Variants in NEDD4L observed in about 807,000 individuals in gnomAD.
The protein encoded by NEDD4L is E3 ubiquitin-protein ligase NEDD4-like.
In NEDD4L, 54 loss-of-function variants were observed where a neutral mutation model predicts 148.9. That is an observed-to-expected ratio of 0.36 (90% CI 0.29 to 0.45). NEDD4L has a LOEUF of 0.45. Ranked by LOEUF, NEDD4L falls within the 20% of genes least tolerant of loss-of-function variation. NEDD4L has a pLI of 1.00. For synonymous variants in NEDD4L, 433 were observed against 440.7 expected (o/e 0.98, Z 0.22); for missense variants, 856 against 1,233.8 (o/e 0.69, Z 4.59).
intron 1 of NEDD4L, among the ~76,000 whole-genome samples, chr18:58,125,299 A>G (rs112423626): frequency 0.017 from 2,598 of 152,216 alleles, 28 homozygotes; most frequent in African/African-American, 0.025. Flanking sequence ...AAATCCAAGC[A>G]ATGTGTTTCT....
At chr18:58,367,422 G>A (rs2046261725) in intron 21 of NEDD4L, among the ~76,000 whole-genome samples, 1 of 152,134 alleles carries the variant, frequency 6.6e-6, no homozygotes, top group South Asian at 2.1e-4. Flanking sequence ...GGGAATCCCT[G>A]CACAGCCCCT....
chr18:58,369,693 A>G (rs905949081), intron 22 of NEDD4L, among the ~76,000 whole-genome samples: 1 of 152,140 alleles, frequency 6.6e-6, no homozygotes. Context: ...TGGTGGGGTC[A>G]GGACCCCCTG....
At chr18:58,285,381 T>G (rs894776798) in intron 5 of NEDD4L, among the ~76,000 whole-genome samples, 1 of 151,828 alleles carries the variant, frequency 6.6e-6, no homozygotes, top group Admixed American at 6.6e-5. Flanking sequence ...CAGGCTGGAG[T>G]GCAGTGGTGT....
chr18:58,186,375 TGA>T (rs2039485654), intron 2 of NEDD4L, among the ~76,000 whole-genome samples: 2 of 152,208 alleles, frequency 1.3e-5, no homozygotes, highest in Non-Finnish European at 2.9e-5. Context: ...TGGGCTGTGT[TGA>T]GTTACCCCTG....
rs34750525 is a variant in NEDD4L at position 58,256,960 on chromosome 18, T to C, written c.297+4906T>C. ...CCAGTGTTTGGTGCGCAAAACACCA[T>C]TTCTGCAAATGTCTTCTGTAGGTCC... On this transcript the variant is annotated intron_variant, in intron 5 of 30. Transcript: ENST00000400345. The surrounding 1 kb of genome is among the most constrained non-coding windows in gnomAD (Gnocchi z 5.2). Among the ~76,000 whole-genome samples, 492 of 152,342 alleles carry C rather than the reference T, an allele frequency of 3.2e-3. 11 individuals carry two copies. Among genetic ancestry groups the C allele is most frequent in the Non-Finnish European group, 3.8e-3 (261 of 68,032 alleles).
chr18:58,298,170 TAAATTTATGCTAGTTC>T (rs977465865), intron 5 of NEDD4L, among the ~76,000 whole-genome samples: 13 of 152,232 alleles, frequency 8.5e-5, no homozygotes, highest in Non-Finnish European at 1.8e-4. Context: ...TTGGGTAATT[TAAATTTATGCTAGTTC>T]ACTCTGTCTA....
rs60621784 is a variant in NEDD4L at position 58,058,132 on chromosome 18, C to G, written c.48+13424C>G. Among the ~76,000 whole-genome samples the G allele has an allele frequency of 3.5e-3, 532 of 152,264 alleles. 2 individuals are homozygous for G. Among genetic ancestry groups the G allele is most frequent in the African/African-American group, 0.012 (508 of 41,546 alleles). ...ACCATCCTGGCCAATATGGTGAAAC[C>G]CCGTCTCTACTAAAAATACAAAAAT... is the stretch of plus-strand genomic sequence containing the variant. On this transcript the variant is annotated intron_variant, in intron 1 of 30. Transcript: ENST00000400345.
intron 3 of NEDD4L, 139 bp downstream of exon 3, chr18:58,245,647 G>T (rs550391202): frequency 5.6e-4 from 230 of 408,164 alleles, no homozygotes; most frequent in Non-Finnish European, 8.0e-4. Context: ...TAATGGAGCT[G>T]CCATATACAA....
intron 5 of NEDD4L, among the ~76,000 whole-genome samples, chr18:58,293,059 A>G (rs923904244): frequency 1.1e-4 from 17 of 152,200 alleles, no homozygotes; most frequent in Non-Finnish European, 2.9e-5. Context: ...CTGGGTTTTT[A>G]TCATATCCAA....
chr18:58,281,178 A>G (rs545642958), intron 5 of NEDD4L, among the ~76,000 whole-genome samples: 8 of 152,130 alleles, frequency 5.3e-5, no homozygotes, highest in African/African-American at 1.9e-4. Context: ...GTGTCTCACT[A>G]TGTTGCCCAA....
chr18:58,130,878 G>A (rs2032000722), intron 1 of NEDD4L, among the ~76,000 whole-genome samples: 1 of 150,422 alleles, frequency 6.6e-6, no homozygotes, highest in South Asian at 2.1e-4. Flanking sequence ...CTGTGGTGGT[G>A]TTGGGCTCTG....
intron 1 of NEDD4L, among the ~76,000 whole-genome samples, chr18:58,081,846 G>C (rs1397294255): frequency 6.6e-6 from 1 of 151,820 alleles, no homozygotes; most frequent in African/African-American, 2.4e-5. Flanking sequence ...CATAACAAAT[G>C]CGTTTTGCAT....
At chr18:58,384,263 G>A (rs2048719788) in intron 25 of NEDD4L, among the ~76,000 whole-genome samples, 1 of 152,228 alleles carries the variant, frequency 6.6e-6, no homozygotes, top group Admixed American at 6.5e-5. Context: ...GCGTGTTAGA[G>A]TCTCTACTCA....
intron 2 of NEDD4L, among the ~76,000 whole-genome samples, chr18:58,209,724 T>C (rs984396556): frequency 2.0e-5 from 3 of 151,326 alleles, no homozygotes; most frequent in African/African-American, 7.3e-5. Flanking sequence ...AACAAAAAAA[T>C]ATAAAAACTA....
chr18:58,226,423 G>C (rs2044362031), intron 2 of NEDD4L, among the ~76,000 whole-genome samples: 2 of 152,134 alleles, frequency 1.3e-5, no homozygotes, highest in Non-Finnish European at 2.9e-5. Context: ...TGACCCCCAA[G>C]TCAAAATTGA....
At chr18:58,272,992 C>T (rs1485022068) in intron 5 of NEDD4L, among the ~76,000 whole-genome samples, 4 of 152,210 alleles carry the variant, frequency 2.6e-5, no homozygotes, top group Admixed American at 2.6e-4. Flanking sequence ...GGTAAGGAAA[C>T]CCCCAACTCA....
At chr18:58,373,647 A>AT (rs1254715864) in intron 24 of NEDD4L, among the ~76,000 whole-genome samples, 1 of 152,182 alleles carries the variant, frequency 6.6e-6, no homozygotes, top group Non-Finnish European at 1.5e-5. Context: ...TGGAAGGGCC[A>AT]TTGGTTTTTC....
intron 1 of NEDD4L, among the ~76,000 whole-genome samples, chr18:58,087,875 A>C (rs1362778991): frequency 1.3e-5 from 2 of 152,204 alleles, no homozygotes; most frequent in African/African-American, 4.8e-5. Context: ...ACTCCATCTC[A>C]AAACAAACAA....
At chr18:58,377,775 G>A (rs566582567) in intron 24 of NEDD4L, among the ~76,000 whole-genome samples, 44 of 141,208 alleles carry the variant, frequency 3.1e-4, no homozygotes, top group African/African-American at 5.4e-4. Flanking sequence ...ACAGAGTCTC[G>A]CTCTGTCACC....
Sources: gnomAD v4.1 joint callset for allele counts (sites outside exome capture counted in the v4.1 genomes callset) on GRCh38, gnomAD v4.1.1 for gene constraint, Gnocchi (gnomAD v3.1) non-coding constraint, MANE v1.5 for transcripts, NCBI Gene and HGNC (gene_info 2026-07-23, HGNC 2026-07-21) for gene names.